The following USP13 variants were observed in gnomAD, a reference collection of about 807,000 sequenced individuals.
USP13 encodes the protein ubiquitin carboxyl-terminal hydrolase 13.
USP13 carries 68 observed loss-of-function variants against 107.8 expected under a neutral mutation model. That is an observed-to-expected ratio of 0.63 (90% CI 0.52 to 0.77). USP13 has a LOEUF of 0.77. Ranked by LOEUF, USP13 falls within the 30% of genes least tolerant of loss-of-function variation. USP13 has a pLI of 0.00. For missense variants in USP13, 945 were observed against 1,093.3 expected (o/e 0.86, Z 1.91); for synonymous variants, 377 against 389.5 (o/e 0.97, Z 0.38).
chr3:179,713,153 G>A (rs800368), intron 6 of USP13, among the ~76,000 whole-genome samples: 136,582 of 152,240 alleles, frequency 0.9, 61,555 homozygotes, highest in Non-Finnish European at 0.94. Flanking sequence ...GAATGCATCT[G>A]TTTCAATCAT....
intron 17 of USP13, among the ~76,000 whole-genome samples, chr3:179,763,124 G>A (rs147511138): frequency 6.6e-6 from 1 of 152,228 alleles, no homozygotes; most frequent in African/African-American, 2.4e-5. Context: ...CCAGATACGA[G>A]TTTCTATGAG....
At chr3:179,658,209 C>G (rs1366171242) in intron 1 of USP13, among the ~76,000 whole-genome samples, 1 of 152,198 alleles carries the variant, frequency 6.6e-6, no homozygotes, top group Non-Finnish European at 1.5e-5. Flanking sequence ...CCACCTTGGC[C>G]TCCCAAAGTG....
chr3:179,758,895 T>C (rs1219249709), intron 16 of USP13, among the ~76,000 whole-genome samples: 1 of 152,222 alleles, frequency 6.6e-6, no homozygotes, highest in African/African-American at 2.4e-5. Flanking sequence ...CATGGTTCCA[T>C]CACCCATCTA....
chr3:179,777,874 C>T (rs999708297), intron 19 of USP13, among the ~76,000 whole-genome samples: 1 of 152,046 alleles, frequency 6.6e-6, no homozygotes, highest in Non-Finnish European at 1.5e-5. Context: ...GCTTAAAAAG[C>T]CAACAGGGGC....
rs3222346 is a variant in USP13, at chr3:179,764,183, CTGTGTG to C, written c.2259+42_2259+47del. On this transcript the variant is annotated intron_variant, in intron 18 of 20. Transcript: ENST00000263966. Reference sequence around the variant, plus strand: ...TACGAGCAACGGTGAGCATGAGAGACTGTGTGTGTGTGTGTGTGTGTGTGTGTGTGT... The same window carrying C: ...TACGAGCAACGGTGAGCATGAGAGACTGTGTGTGTGTGTGTGTGTGTGTGT... 5,930 of 1,440,430 alleles carry C rather than the reference CTGTGTG, an allele frequency of 4.1e-3. 12 individuals carry two copies. Among genetic ancestry groups the C allele is most frequent in the Non-Finnish European group, 3.9e-3 (4,238 of 1,075,654 alleles). The allele number at this position is 1,440,430 out of a possible 1,614,324, so 89.2% of individuals were successfully genotyped here. A position where few individuals can be genotyped will look rare whatever the true frequency, so the allele number is the denominator to read the frequency against.
At position 179,752,327 on chromosome 3, in the gene USP13, G is replaced by C; in HGVS notation, c.1752G>C (p.Gln584His). Residue 584 changes from glutamine to histidine, a missense_variant, in exon 14 of 21, where the codon CAG becomes CAC. Transcript: ENST00000263966. Reference sequence around the variant, plus strand: ...CATTCCCTGAATACTTGGTAGTGCAGATAAAGAAGTTCACTTTTGGTCTTG... The same window carrying C: ...CATTCCCTGAATACTTGGTAGTGCACATAAAGAAGTTCACTTTTGGTCTTG... ...FASFPEYLVV[Q>H]IKKFTFGLDW... 1 of 1,614,142 alleles carries C rather than the reference G, an allele frequency of 6.2e-7. No homozygotes were observed. The highest frequency in any genetic ancestry group is 8.5e-7 in the Non-Finnish European group (1 of 1,180,008).
intron 3 of USP13, among the ~76,000 whole-genome samples, chr3:179,699,092 C>T (rs1296188630): frequency 6.6e-6 from 1 of 152,150 alleles, no homozygotes; most frequent in African/African-American, 2.4e-5. Context: ...TGGTCTTGAA[C>T]TCCTGACCTC....
intron 1 of USP13, among the ~76,000 whole-genome samples, chr3:179,680,157 A>T (rs1034402083): frequency 3.4e-5 from 5 of 148,126 alleles, no homozygotes; most frequent in Non-Finnish European, 7.4e-5. Context: ...TGGGGAACAG[A>T]GTGAGACGCT....
chr3:179,729,319 C>G (rs1713708175), intron 8 of USP13, among the ~76,000 whole-genome samples: 1 of 152,152 alleles, frequency 6.6e-6, no homozygotes, highest in African/African-American at 2.4e-5. Flanking sequence ...GGGTGATTTT[C>G]ACTAAACTGA....
intron 16 of USP13, 93 bp downstream of exon 16, chr3:179,757,171 G>A: frequency 7.1e-7 from 1 of 1,402,188 alleles, no homozygotes; most frequent in Non-Finnish European, 1.0e-6. Flanking sequence ...GCATTGTTCT[G>A]TACGTGTGTG....
intron 1 of USP13, among the ~76,000 whole-genome samples, chr3:179,655,012 A>G (rs9844049): frequency 0.12 from 18,442 of 152,040 alleles, 2,362 homozygotes; most frequent in African/African-American, 0.32. Flanking sequence ...TCCATAAATT[A>G]TTTGAAAATG....
rs1715613654 is a variant in USP13 at position 179,778,208 on chromosome 3, A to G, written c.2414-3531A>G. On this transcript the variant is annotated intron_variant, in intron 19 of 20. Transcript: ENST00000263966. ...TTATTTCACCAGTTTATACCCCAATATATGCTTTGGTAGGAGGTTTACAAA... is the reference window on the plus strand; with the variant it reads ...TTATTTCACCAGTTTATACCCCAATGTATGCTTTGGTAGGAGGTTTACAAA... 2.0e-5 allele frequency among the ~76,000 whole-genome samples: 3 copies of G among 152,114 alleles called. No homozygotes were observed. The South Asian group carries it at 6.2e-4, about 31-fold the overall frequency.
chr3:179,760,269 G>A lies in USP13; in HGVS notation c.1949-843G>A, dbSNP rs929602302. On this transcript the variant is annotated intron_variant, in intron 16 of 20. Coordinates refer to ENST00000263966, the MANE Select transcript of USP13 (RefSeq NM_003940.3). ...ATCTGAGCCCAAGTTACTTTGTAAA[G>A]CCGTCTCTTAATGTTTTTTTTTTTT... 2.0e-5 allele frequency among the ~76,000 whole-genome samples: 3 copies of A among 149,534 alleles called. No homozygotes were observed. In the East Asian group the frequency reaches 5.9e-4, roughly 29 times the overall value.
chr3:179,727,924 G>A (rs1713602736), intron 8 of USP13, among the ~76,000 whole-genome samples: 1 of 65,608 alleles, frequency 1.5e-5, no homozygotes, highest in African/African-American at 3.9e-5. Context: ...CAGGTGGGGG[G>A]CTGACCCCCC....
intron 19 of USP13, among the ~76,000 whole-genome samples, chr3:179,780,715 C>T (rs1292421015): frequency 2.0e-5 from 3 of 152,014 alleles, no homozygotes; most frequent in Non-Finnish European, 4.4e-5. Flanking sequence ...AAGATGAGGA[C>T]TAGGGATTGA....
At chr3:179,736,394 G>A (rs1289030599) in intron 10 of USP13, among the ~76,000 whole-genome samples, 2 of 152,154 alleles carry the variant, frequency 1.3e-5, no homozygotes, top group Non-Finnish European at 2.9e-5. Flanking sequence ...TTAGTAAGAC[G>A]TCCCCTCTGA....
Position 179,740,363 on chromosome 3 carries a change from T to C in USP13, c.1371T>C (p.Asn457=), listed in dbSNP as rs1166127494. The change falls in exon 11 of 21, where the codon AAT becomes AAC. Residue 457 remains asparagine (N), a synonymous_variant. Transcript: ENST00000263966. ...AGGAATTCTTCTTGCACCTGGTGAATCTAGTAGAGGTGAGTAGTCAGTCTT... is the reference window on the plus strand; with the variant it reads ...AGGAATTCTTCTTGCACCTGGTGAACCTAGTAGAGGTGAGTAGTCAGTCTT... ...DAQEFFLHLV[N]LVERNRIGSE... The C allele has an allele frequency of 6.2e-7, 1 of 1,614,060 alleles. No individual in the cohort carries two copies. Among genetic ancestry groups the C allele is most frequent in the African/African-American group, 1.3e-5 (1 of 75,042 alleles).
intron 3 of USP13, among the ~76,000 whole-genome samples, chr3:179,693,668 GTTTATTTA>G (rs539404108): frequency 6.6e-5 from 10 of 151,760 alleles, no homozygotes; most frequent in African/African-American, 9.7e-5. Context: ...TAGTAACTTT[GTTTATTTA>G]TTTATTTATT....
At chr3:179,654,032 A>G (rs1003461092) in intron 1 of USP13, among the ~76,000 whole-genome samples, 3 of 151,758 alleles carry the variant, frequency 2.0e-5, no homozygotes, top group African/African-American at 7.3e-5. Context: ...TAATATGGCG[A>G]AACCCCATCT....
Sources: allele counts gnomAD v4.1 joint callset (sites outside exome capture counted in the v4.1 genomes callset), GRCh38; gene constraint gnomAD v4.1.1; transcripts MANE v1.5; gene names NCBI Gene and HGNC (gene_info 2026-07-23, HGNC 2026-07-21).